ZNF384: variants seen among roughly 807,000 people sequenced by gnomAD.
The protein encoded by ZNF384 is CAG repeat protein 1.
ZNF384 carries 20 observed loss-of-function variants against 65.0 expected under a neutral mutation model. That is an observed-to-expected ratio of 0.31 (90% CI 0.22 to 0.45). ZNF384 has a LOEUF of 0.45. ZNF384 is among the 20% of genes least tolerant of loss of function. The pLI is 1.00. For synonymous variants in ZNF384, 310 were observed against 303.9 expected (o/e 1.02, Z -0.21); for missense variants, 549 against 769.4 (o/e 0.71, Z 3.39).
intron 2 of ZNF384, among the ~76,000 whole-genome samples, chr12:6,681,300 C>T (rs886067760): frequency 6.6e-6 from 1 of 151,680 alleles, no homozygotes. Context: ...GTACAGAACA[C>T]AGGCATCCCA....
intron 2 of ZNF384, among the ~76,000 whole-genome samples, chr12:6,685,680 G>A (rs1291426097): frequency 4.0e-5 from 6 of 151,466 alleles, no homozygotes; most frequent in South Asian, 2.1e-4. Flanking sequence ...GGCTGAGACA[G>A]GGAATTGCCT....
At position 6,673,601 on chromosome 12, in the gene ZNF384, A is replaced by G. The variant is rs1297547191; in HGVS notation, c.780-161T>C. Among the ~76,000 whole-genome samples the G allele has an allele frequency of 6.6e-6, 1 of 152,150 alleles. No individual in the cohort carries two copies. Among genetic ancestry groups the G allele is most frequent in the Admixed American group, 6.5e-5 (1 of 15,278 alleles). ...CATCTTTATGGCCTAAGCTTCTAAC[A>G]TGGTGCCCAGCACATTATAAATATT... is the stretch of plus-strand genomic sequence containing the variant. On this transcript the variant is annotated intron_variant, in intron 7 of 11. Transcript: ENST00000683879. This position sits in a 1 kb window ranked among gnomAD's most constrained non-coding sequence, Gnocchi z 4.7.
rs1227503181 is a variant in ZNF384 at position 6,669,013 on chromosome 12, A to T, written c.1425+18T>A. 1 of 1,589,192 alleles carries T rather than the reference A, an allele frequency of 6.3e-7. No homozygotes were observed. The highest frequency in any genetic ancestry group is 2.3e-5 in the East Asian group (1 of 43,922). On this transcript the variant is annotated intron_variant, in intron 11 of 11. Transcript: ENST00000683879. The stretch of plus-strand genomic sequence containing the variant: ...CTTAGAGGACTATGAGGAAGGAGAG[A>T]AGAAACGGAGCACTCACTGATGTGT...
rs563951777 is a variant in ZNF384 at position 6,687,589 on chromosome 12, G to A, written c.-6+578C>T. Among the ~76,000 whole-genome samples, 7 of 152,076 alleles carry A rather than the reference G, an allele frequency of 4.6e-5. No individual in the cohort carries two copies. In the South Asian group the frequency reaches 8.3e-4, roughly 18 times the overall value. The stretch of plus-strand genomic sequence containing the variant: ...CGAAACTCTTCCAGACCTACTTCTG[G>A]AGTCTACTCCGTACAGTTTTATCCA... On this transcript the variant is annotated intron_variant, in intron 2 of 11. Coordinates refer to ENST00000683879, the MANE Select transcript of ZNF384 (RefSeq NM_001385745.1).
chr12:6,675,910 A>G (rs183287576), intron 7 of ZNF384, among the ~76,000 whole-genome samples: 71 of 152,308 alleles, frequency 4.7e-4, no homozygotes, highest in African/African-American at 1.7e-3. Flanking sequence ...AGAGTAACAG[A>G]ACCCAACTGC....
At position 6,667,655 on chromosome 12, in the gene ZNF384, GGAGAAA is replaced by G; in HGVS notation, c.*53_*58del. 6.2e-7 allele frequency: 1 copy of G among 1,608,570 alleles called. No individual in the cohort carries two copies. Among genetic ancestry groups the G allele is most frequent in the Non-Finnish European group, 8.5e-7 (1 of 1,176,012 alleles). ...AAAAGGACTTTTCCCACCAAGAGTT[GGAGAAA>G]GAAGACACCAGGACTACTTCTTCCT... On this transcript the variant is annotated 3_prime_UTR_variant, in exon 12 of 12. Coordinates refer to ENST00000683879, the MANE Select transcript of ZNF384 (RefSeq NM_001385745.1).
chr12:6,670,869 A>C, intron 9 of ZNF384, 31 bp from the exon 10 acceptor site: 1 of 1,598,244 alleles, frequency 6.3e-7, no homozygotes, highest in Non-Finnish European at 8.6e-7. Flanking sequence ...AAGGGAAAGA[A>C]TGTCAGCAAG....
intron 2 of ZNF384, among the ~76,000 whole-genome samples, chr12:6,681,688 G>A (rs992440694): frequency 2.0e-5 from 3 of 152,272 alleles, no homozygotes; most frequent in African/African-American, 7.2e-5. Context: ...CGCCGAAGCT[G>A]AAAATTACTC....
Position 6,672,613 on chromosome 12 carries a change from CGTT to C in ZNF384, c.1005-84_1005-82del. The stretch of plus-strand genomic sequence containing the variant: ...CTCAGCTCTCTGCTGGGTGAAATGA[CGTT>C]GCTTGACGGATGAGAGCACCCCCTT... On this transcript the variant is annotated intron_variant, in intron 8 of 11. Transcript: ENST00000683879. This position sits in a 1 kb window ranked among gnomAD's most constrained non-coding sequence, Gnocchi z 4.4. The C allele has an allele frequency of 2.1e-6, 3 of 1,406,562 alleles. No homozygotes were observed. The highest frequency in any genetic ancestry group is 2.9e-6 in the Non-Finnish European group (3 of 1,023,280). The allele number at this position is 1,406,562 out of a possible 1,614,324, so 87.1% of individuals were successfully genotyped here.
Position 6,678,645 on chromosome 12 carries a change from G to T in ZNF384, c.352+18C>A. 1.2e-6 allele frequency: 2 copies of T among 1,610,656 alleles called. No homozygotes were observed. Among genetic ancestry groups the T allele is most frequent in the Non-Finnish European group, 1.7e-6 (2 of 1,179,202 alleles). The stretch of plus-strand genomic sequence containing the variant: ...TCCTAACCCTTGTCCCCACCCCCCT[G>T]GTAACAGTGAGATTTACCCCTTGAT... On this transcript the variant is annotated intron_variant, in intron 5 of 11. Transcript: ENST00000683879. The surrounding 1 kb of genome is among the most constrained non-coding windows in gnomAD (Gnocchi z 4.9).
Position 6,672,290 on chromosome 12 carries a change from G to A in ZNF384, c.1187+60C>T, listed in dbSNP as rs1565426545. On this transcript the variant is annotated intron_variant, in intron 9 of 11. Transcript: ENST00000683879. The surrounding 1 kb of genome is among the most constrained non-coding windows in gnomAD (Gnocchi z 4.4). ...CATGCGGGTTGTTGTGTGTGTCCGG[G>A]GCGGGGGTGGGGAGGGCATGCCAGC... 2.0e-6 allele frequency: 3 copies of A among 1,535,516 alleles called. No individual in the cohort carries two copies. The highest frequency in any genetic ancestry group is 1.2e-5 in the South Asian group (1 of 81,614).
chr12:6,682,183 G>A (rs981992447), intron 2 of ZNF384, among the ~76,000 whole-genome samples: 3 of 151,446 alleles, frequency 2.0e-5, no homozygotes, highest in Admixed American at 1.3e-4. Context: ...AGGTGAGTGC[G>A]GTCGTGCATA....
chr12:6,677,383 A>G, intron 6 of ZNF384, 124 bp from the exon 7 acceptor site: 1 of 1,081,210 alleles, frequency 9.2e-7, no homozygotes, highest in South Asian at 1.9e-5. Context: ...CCCACTCTAT[A>G]CAGTGCTACC....
chr12:6,667,954 C>G lies in ZNF384; in HGVS notation c.1587G>C (p.Gln529His), dbSNP rs1459228522. The G allele has an allele frequency of 6.2e-7, 1 of 1,612,144 alleles. No individual in the cohort carries two copies. ...AQAQAQAQAS[Q>H]ASQQQQQQQQ... The stretch of plus-strand genomic sequence containing the variant: ...GCTGCTGCTGCTGCTGCTGTGATGC[C>G]TGGGAGGCCTGGGCCTGGGCCTGGG... Residue 529 changes from glutamine (Q) to histidine (H), a missense_variant, in exon 12 of 12, where the codon CAG (glutamine) becomes CAC (histidine). Coordinates refer to ENST00000683879, the MANE Select transcript of ZNF384 (RefSeq NM_001385745.1).
chr12:6,680,129 T>C (rs1434043968), intron 2 of ZNF384, among the ~76,000 whole-genome samples: 1 of 152,202 alleles, frequency 6.6e-6, no homozygotes, highest in Non-Finnish European at 1.5e-5. Context: ...GCCAGACTAA[T>C]TTCTTTTTTC....
Position 6,668,919 on chromosome 12 carries a change from G to C in ZNF384, c.1425+112C>G. The C allele has an allele frequency of 3.4e-6, 4 of 1,185,678 alleles. No homozygotes were observed. The South Asian group carries it at 6.9e-5, about 21-fold the overall frequency. 73.4% of individuals were successfully genotyped at this position (1,185,678 alleles called of 1,614,324 possible). On this transcript the variant is annotated intron_variant, in intron 11 of 11. Coordinates refer to ENST00000683879, the MANE Select transcript of ZNF384 (RefSeq NM_001385745.1). ...AATATTTACCTGTTCTGCTAAGTTG[G>C]AGCTAGGGAGGCAGGGTATTCACTG...
chr12:6,679,020 G>A lies in ZNF384; in HGVS notation c.230C>T (p.Thr77Ile), dbSNP rs1437988284. 1.9e-6 allele frequency: 3 copies of A among 1,613,990 alleles called. No homozygotes were observed. Among genetic ancestry groups the A allele is most frequent in the Non-Finnish European group, 2.5e-6 (3 of 1,180,026 alleles). The stretch of plus-strand genomic sequence containing the variant: ...GGTAACGGACGCTTGGCTGTGTGGG[G>A]TCAGCTGGTCTGACTTGGACTCTGT... Reference protein sequence around the residue: ...MDTESKSDQLTPHSQASVTQN... With the variant: ...MDTESKSDQLIPHSQASVTQN... Residue 77 changes from threonine (T) to isoleucine (I), a missense_variant, in exon 4 of 12, where the codon ACC (threonine) becomes ATC (isoleucine). Transcript: ENST00000683879.
At position 6,668,080 on chromosome 12, in the gene ZNF384, G is replaced by A; in HGVS notation, c.1461C>T (p.Asn487=). 1 of 1,608,744 alleles carries A rather than the reference G, an allele frequency of 6.2e-7. No individual in the cohort carries two copies. Among genetic ancestry groups the A allele is most frequent in the Non-Finnish European group, 8.5e-7 (1 of 1,176,714 alleles). ...TYLMKHMRKH[N]PPDLQQQVQA... Reference sequence around the variant, plus strand: ...GCACCTGTTGCTGAAGATCAGGCGGGTTGTGTTTGCGCATATGTTTCATAA... The same window carrying A: ...GCACCTGTTGCTGAAGATCAGGCGGATTGTGTTTGCGCATATGTTTCATAA... Residue 487 remains asparagine (N), a synonymous_variant, in exon 12 of 12, where the codon AAC becomes AAT. Coordinates refer to ENST00000683879, the MANE Select transcript of ZNF384 (RefSeq NM_001385745.1).
In ZNF384 at chr12:6,682,313, C is replaced by T. The variant is rs555526173; in HGVS notation, c.-5-2788G>A. Among the ~76,000 whole-genome samples the T allele has an allele frequency of 2.8e-5, 4 of 144,570 alleles. No individual in the cohort carries two copies. In the East Asian group the frequency reaches 8.0e-4, roughly 29 times the overall value. 94.8% of individuals were successfully genotyped at this position (144,570 alleles called of 152,430 possible). A position where few individuals can be genotyped will look rare whatever the true frequency, so the allele number is the denominator to read the frequency against. ...CTAACCTGGGTAACAGAGCAAGACC[C>T]CAACTCCAAAACAAAACAAAACAAA... On this transcript the variant is annotated intron_variant, in intron 2 of 11. Transcript: ENST00000683879.
Sources: allele counts gnomAD v4.1 joint callset (sites outside exome capture counted in the v4.1 genomes callset), GRCh38; gene constraint gnomAD v4.1.1; non-coding constraint Gnocchi (gnomAD v3.1); transcripts MANE v1.5; gene names NCBI Gene and HGNC (gene_info 2026-07-23, HGNC 2026-07-21).